The following OR2L13 variants were observed in gnomAD, a reference collection of about 807,000 sequenced individuals.
OR2L13 encodes olfactory receptor family 2 subfamily L member 13.
In OR2L13, 14 loss-of-function variants were observed where a neutral mutation model predicts 15.3. The observed-to-expected ratio is 0.91, with a 90% CI of 0.60 to 1.43. The LOEUF is 1.43. OR2L13 is among the 40% of genes most tolerant of loss of function. OR2L13 has a pLI of 0.00. For synonymous variants in OR2L13, 152 were observed against 142.9 expected (o/e 1.06, Z -0.45); for missense variants, 367 against 387.9 (o/e 0.95, Z 0.45).
chr1:247,942,653 A>G, the OR2L13 span, among the ~76,000 whole-genome samples: 1 of 152,162 alleles, frequency 6.6e-6, no homozygotes, highest in African/African-American at 2.4e-5. Context: ...ACCTGCCAAA[A>G]TTTTTAAAAA....
the OR2L13 span, among the ~76,000 whole-genome samples, chr1:248,071,746 A>G: frequency 7.3e-5 from 11 of 149,874 alleles, no homozygotes; most frequent in Non-Finnish European, 1.3e-4. Context: ...TCAGCCCAAA[A>G]TCTCCTTAAG....
At chr1:248,036,083 A>G in the OR2L13 span, among the ~76,000 whole-genome samples, 1 of 152,180 alleles carries the variant, frequency 6.6e-6, no homozygotes, top group Non-Finnish European at 1.5e-5. Flanking sequence ...GTGATTTTAC[A>G]TGCCATCTGA....
At chr1:247,959,293 A>C in the OR2L13 span, among the ~76,000 whole-genome samples, 1 of 152,122 alleles carries the variant, frequency 6.6e-6, no homozygotes, top group Non-Finnish European at 1.5e-5. Flanking sequence ...TGGCTTGTAG[A>C]GTTTCTGCTG....
At chr1:247,939,995 T>C in the OR2L13 span, among the ~76,000 whole-genome samples, 1 of 152,214 alleles carries the variant, frequency 6.6e-6, no homozygotes, top group Non-Finnish European at 1.5e-5. Flanking sequence ...TTTATGAAAC[T>C]TCCTAAAATT....
At chr1:247,959,279 C>A in the OR2L13 span, among the ~76,000 whole-genome samples, 1 of 152,164 alleles carries the variant, frequency 6.6e-6, no homozygotes, top group Non-Finnish European at 1.5e-5. Flanking sequence ...CCCCCACTCT[C>A]TTCTGGCTTG....
chr1:247,993,735 A>C, the OR2L13 span, among the ~76,000 whole-genome samples: 1 of 147,380 alleles, frequency 6.8e-6, no homozygotes, highest in African/African-American at 2.5e-5. Flanking sequence ...TTGGACAGAC[A>C]CTGAATGGAA....
chr1:248,005,360 A>T, the OR2L13 span, among the ~76,000 whole-genome samples: 2 of 152,028 alleles, frequency 1.3e-5, no homozygotes, highest in Non-Finnish European at 2.9e-5. Flanking sequence ...TTAACTGTAG[A>T]TGGGTGGATT....
chr1:248,025,588 C>A, the OR2L13 span, among the ~76,000 whole-genome samples: 1 of 148,608 alleles, frequency 6.7e-6, no homozygotes, highest in Admixed American at 6.6e-5. Flanking sequence ...ACCCAGCCAT[C>A]CCATTACTGG....
At chr1:247,990,407 C>T in the OR2L13 span, 2 of 1,585,154 alleles carry the variant, frequency 1.3e-6, no homozygotes, top group Non-Finnish European at 1.7e-6. Flanking sequence ...TGATTCTTCT[C>T]ATCTTCTTGG....
At chr1:247,954,697 A>T in the OR2L13 span, among the ~76,000 whole-genome samples, 1 of 151,932 alleles carries the variant, frequency 6.6e-6, no homozygotes, top group Admixed American at 6.6e-5. Flanking sequence ...TCATGTGTTT[A>T]AAAATGCAAA....
chr1:247,948,420 ATCTT>A, the OR2L13 span, among the ~76,000 whole-genome samples: 2 of 152,310 alleles, frequency 1.3e-5, no homozygotes, highest in East Asian at 3.9e-4. Flanking sequence ...TAATAGAGGT[ATCTT>A]TCTTATAAAT....
chr1:247,976,716 T>G, the OR2L13 span, among the ~76,000 whole-genome samples: 1 of 152,184 alleles, frequency 6.6e-6, no homozygotes, highest in Non-Finnish European at 1.5e-5. Flanking sequence ...ATGATGTCAT[T>G]TTCTTTAGTA....
At chr1:248,068,768 G>A in the OR2L13 span, among the ~76,000 whole-genome samples, 74 of 152,262 alleles carry the variant, frequency 4.9e-4, no homozygotes, top group African/African-American at 1.7e-3. Context: ...CCAATACAGA[G>A]TAGTCCTTAA....
At chr1:247,969,763 T>C in the OR2L13 span, among the ~76,000 whole-genome samples, 1 of 152,172 alleles carries the variant, frequency 6.6e-6, no homozygotes, top group Non-Finnish European at 1.5e-5. Flanking sequence ...AGCTAAGGGC[T>C]TTATTCAGAT....
At chr1:248,072,409 A>G in the OR2L13 span, among the ~76,000 whole-genome samples, 2 of 152,246 alleles carry the variant, frequency 1.3e-5, no homozygotes, top group Non-Finnish European at 2.9e-5. Flanking sequence ...TGGTGCTGGG[A>G]AAACCCATAG....
chr1:247,988,291 A>G, the OR2L13 span, among the ~76,000 whole-genome samples: 1 of 151,572 alleles, frequency 6.6e-6, no homozygotes, highest in African/African-American at 2.4e-5. Context: ...TTTCCTTCTG[A>G]TAGAATTTTC....
the OR2L13 span, among the ~76,000 whole-genome samples, chr1:247,967,851 T>C: frequency 1.3e-5 from 2 of 149,908 alleles, no homozygotes; most frequent in East Asian, 1.9e-4. Flanking sequence ...TCTTCCTCCT[T>C]CTCCTCCTCC....
the OR2L13 span, among the ~76,000 whole-genome samples, chr1:247,970,900 C>T: frequency 6.6e-6 from 1 of 152,060 alleles, no homozygotes; most frequent in African/African-American, 2.4e-5. Flanking sequence ...GTCAGCTGGC[C>T]CTTTCTGAAA....
At chr1:247,948,767 G>T in the OR2L13 span, 4 of 1,028,254 alleles carry the variant, frequency 3.9e-6, no homozygotes, top group Non-Finnish European at 5.8e-6. Flanking sequence ...CCACTGGGGG[G>T]GCTTGGAATG....
Sources: allele counts gnomAD v4.1 joint callset (sites outside exome capture counted in the v4.1 genomes callset), GRCh38; gene constraint gnomAD v4.1.1; transcripts MANE v1.5; gene names NCBI Gene and HGNC (gene_info 2026-07-23, HGNC 2026-07-21).